PCDH11X: variants seen among roughly 807,000 people sequenced by gnomAD.
PCDH11X encodes protocadherin 11 X-linked.
In PCDH11X, 18 loss-of-function variants were observed where a neutral mutation model predicts 53.3. That is an observed-to-expected ratio of 0.34 (90% confidence interval 0.23 to 0.50). The LOEUF is 0.50. Among genes scored for constraint, PCDH11X ranks in the 20% least tolerant of loss-of-function variants. The probability of loss-of-function intolerance (pLI) is 0.98; values close to 1 mark genes in which losing one functional copy is unlikely to be tolerated. For missense variants in PCDH11X, 570 were observed against 1,032.4 expected (o/e 0.55, Z 6.14); for synonymous variants, 279 against 393.3 (o/e 0.71, Z 3.44).
Position 92,222,204 on chromosome X carries a change from T to C in PCDH11X, c.3114+20749T>C, listed in dbSNP as rs1160833215. Among the ~76,000 whole-genome samples, 4 of 111,144 alleles carry C rather than the reference T, an allele frequency of 3.6e-5. 1 individual carries two copies. The highest frequency in any genetic ancestry group is 1.3e-4 in the African/African-American group (4 of 30,552). On this transcript the variant is annotated intron_variant, in intron 7 of 10. Coordinates refer to ENST00000682573, the MANE Select transcript of PCDH11X (RefSeq NM_032968.5). ...GCTCTTTGGTGTGATGTGAAAGTAT[T>C]TTGTATCTCAGTTTTGGAAGATTAC...
At chrX:92,576,776 C>T (rs1959185049) in intron 10 of PCDH11X, among the ~76,000 whole-genome samples, 1 of 108,604 alleles carries the variant, frequency 9.2e-6, no homozygotes, top group Non-Finnish European at 1.9e-5. Context: ...CTGTCTATGT[C>T]TTGAAAGTTG....
At chrX:92,258,602 C>G (rs1045068368) in intron 7 of PCDH11X, among the ~76,000 whole-genome samples, 1 of 110,764 alleles carries the variant, frequency 9.0e-6, no homozygotes, top group Non-Finnish European at 1.9e-5. Context: ...CTCCTGACCT[C>G]GTGATCCACC....
chrX:91,795,028 G>T (rs1217187364), intron 1 of PCDH11X, among the ~76,000 whole-genome samples: 1 of 108,287 alleles, frequency 9.2e-6, no homozygotes, highest in African/African-American at 3.4e-5. Flanking sequence ...TGATTGTGAG[G>T]CTTCCCCAGC....
intron 6 of PCDH11X, among the ~76,000 whole-genome samples, chrX:91,964,935 C>T (rs2061844044): frequency 8.9e-6 from 1 of 112,175 alleles, no homozygotes; most frequent in Non-Finnish European, 1.9e-5. Flanking sequence ...TGGTGCCAAA[C>T]CTTACTATCA....
intron 6 of PCDH11X, among the ~76,000 whole-genome samples, chrX:92,131,172 T>C (rs1209365772): frequency 8.9e-6 from 1 of 111,771 alleles, no homozygotes; most frequent in Non-Finnish European, 1.9e-5. Flanking sequence ...TGTCTTAGAT[T>C]CCACCATTTA....
At chrX:92,017,623 G>A (rs2062817297) in intron 6 of PCDH11X, among the ~76,000 whole-genome samples, 1 of 104,524 alleles carries the variant, frequency 9.6e-6, no homozygotes, top group Non-Finnish European at 2.0e-5. Context: ...CTTGAACCTG[G>A]GAGGTTGAGG....
chrX:92,122,787 C>T (rs6652619), intron 6 of PCDH11X, among the ~76,000 whole-genome samples: 10,592 of 109,322 alleles, frequency 0.097, 620 homozygotes, highest in East Asian at 0.43. Flanking sequence ...AATTGCAAAA[C>T]TTACCTGGGA....
chrX:92,332,410 G>T (rs2069513028), intron 8 of PCDH11X, among the ~76,000 whole-genome samples: 1 of 111,625 alleles, frequency 9.0e-6, no homozygotes, highest in Non-Finnish European at 1.9e-5. Flanking sequence ...GCACACATGT[G>T]TGCATTCACA....
intron 8 of PCDH11X, chrX:92,288,142 C>T (rs1603255947): frequency 2.6e-6 from 1 of 380,820 alleles, no homozygotes; most frequent in African/African-American, 2.5e-5. Context: ...AATACACGAT[C>T]CATGCTACTG....
chrX:91,853,132 A>G (rs1938125429), intron 5 of PCDH11X, among the ~76,000 whole-genome samples: 1 of 108,782 alleles, frequency 9.2e-6, no homozygotes, highest in Admixed American at 1.0e-4. Flanking sequence ...CAAATTCATA[A>G]TATGTTATAA....
At chrX:91,971,545 G>A (rs2147908707) in intron 6 of PCDH11X, among the ~76,000 whole-genome samples, 1 of 110,938 alleles carries the variant, frequency 9.0e-6, no homozygotes, top group East Asian at 2.8e-4. Flanking sequence ...AATCATGAGA[G>A]CTTTACCTCT....
chrX:92,584,133 T>A (rs1273679916), intron 10 of PCDH11X, among the ~76,000 whole-genome samples: 1 of 110,360 alleles, frequency 9.1e-6, no homozygotes, highest in Non-Finnish European at 1.9e-5. Flanking sequence ...ACTAAAACAG[T>A]GTCCAGAGTA....
intron 10 of PCDH11X, among the ~76,000 whole-genome samples, chrX:92,482,571 A>G (rs937497089): frequency 4.5e-5 from 5 of 111,777 alleles, no homozygotes; most frequent in African/African-American, 1.6e-4. Flanking sequence ...CCATAACTAA[A>G]TCTGGTTTGT....
chrX:92,459,800 G>C, intron 9 of PCDH11X: 1 of 1,182,271 alleles, frequency 8.5e-7, no homozygotes, highest in Non-Finnish European at 1.1e-6. Flanking sequence ...TCTGGTTCCC[G>C]GATCTCCGTG....
At chrX:92,286,273 G>A (rs2068369377) in intron 8 of PCDH11X, among the ~76,000 whole-genome samples, 1 of 108,148 alleles carries the variant, frequency 9.2e-6, no homozygotes, top group African/African-American at 3.4e-5. Flanking sequence ...TCATCAATGA[G>A]CCCAGGAAAA....
intron 8 of PCDH11X, among the ~76,000 whole-genome samples, chrX:92,347,802 T>C (rs1470941893): frequency 8.9e-6 from 1 of 112,135 alleles, no homozygotes; most frequent in Non-Finnish European, 1.9e-5. Flanking sequence ...ATATACATAG[T>C]AGATTCCACA....
intron 10 of PCDH11X, among the ~76,000 whole-genome samples, chrX:92,584,789 C>CTTTTTTTTTT (rs1171667582): frequency 6.1e-5 from 4 of 65,113 alleles, no homozygotes; most frequent in Admixed American, 2.1e-4. Context: ...TCTTTTTTTC[C>CTTTTTTTTTT]TTTTTTTTTT....
At chrX:92,035,517 G>A (rs1602725873) in intron 6 of PCDH11X, among the ~76,000 whole-genome samples, 1 of 90,607 alleles carries the variant, frequency 1.1e-5, no homozygotes, top group African/African-American at 4.1e-5. Context: ...AGATGTAATG[G>A]AGCTTTGTTG....
chrX:92,590,649 A>C (rs1426979369), intron 10 of PCDH11X, among the ~76,000 whole-genome samples: 1 of 111,563 alleles, frequency 9.0e-6, no homozygotes, highest in Admixed American at 9.5e-5. Flanking sequence ...TATCACAGGG[A>C]TTTTCAGATG....
Sources: gnomAD v4.1 joint callset for allele counts (sites outside exome capture counted in the v4.1 genomes callset) on GRCh38, gnomAD v4.1.1 for gene constraint, MANE v1.5 for transcripts, NCBI Gene and HGNC (gene_info 2026-07-23, HGNC 2026-07-21) for gene names.